MITF: variants seen among roughly 807,000 people sequenced by gnomAD.
MITF encodes the protein melanocyte inducing transcription factor.
In MITF, 17 loss-of-function variants were observed where a neutral mutation model predicts 60.5. That is an observed-to-expected ratio of 0.28 (90% CI 0.19 to 0.42). MITF has a LOEUF of 0.42. Among genes scored for constraint, MITF ranks in the 10% least tolerant of loss-of-function variants. The pLI is 1.00. For missense variants in MITF, 622 were observed against 683.5 expected, an observed-to-expected ratio of 0.91 and a Z score of 1.00; for synonymous variants, 260 against 248.5, an observed-to-expected ratio of 1.05 and a Z score of -0.43.
intron 1 of MITF, among the ~76,000 whole-genome samples, chr3:69,807,137 C>T (rs1212373063): frequency 6.6e-6 from 1 of 152,200 alleles, no homozygotes; most frequent in Non-Finnish European, 1.5e-5. Flanking sequence ...GCCATATTCT[C>T]TCTTAAGTTA....
intron 1 of MITF, among the ~76,000 whole-genome samples, chr3:69,864,000 T>G (rs1357353422): frequency 6.6e-6 from 1 of 152,222 alleles, no homozygotes; most frequent in African/African-American, 2.4e-5. Flanking sequence ...TCTAGATTGG[T>G]CAATATTAAT....
rs1559601734 is a variant in MITF at position 69,739,689 on chromosome 3, C to G, written c.92C>G (p.Pro31Arg). ...ACCTATTACGAACTCAAAAGTCAAC[C>G]GCTGAAGAGCAGGTGAGTGGTGACA... ...PKTYYELKSQPLKSSSSAEHP... is the reference protein window; with the variant it reads ...PKTYYELKSQRLKSSSSAEHP... Residue 31 changes from proline to arginine, a missense_variant, in exon 1 of 10, where the codon CCG (proline) becomes CGG (arginine). Physicochemically the swap from Pro to Arg is moderately radical, Grantham distance 103 (BLOSUM62 -2). This residue lies in a region of MITF where 149 missense variants were observed against 157.8 expected (regional missense o/e 0.94). Coordinates refer to ENST00000352241, the MANE Select transcript of MITF (RefSeq NM_001354604.2). 1 of 1,570,490 alleles carries G rather than the reference C, an allele frequency of 6.4e-7. No individual in the cohort carries two copies.
intron 2 of MITF, among the ~76,000 whole-genome samples, chr3:69,916,515 G>A (rs537481643): frequency 1.3e-3 from 198 of 152,010 alleles, no homozygotes; most frequent in Admixed American, 2.4e-3. Context: ...TTACAAGTTC[G>A]GAATTGAGTG....
At chr3:69,929,697 A>T (rs1400468277) in intron 2 of MITF, among the ~76,000 whole-genome samples, 1 of 152,000 alleles carries the variant, frequency 6.6e-6, no homozygotes, top group Non-Finnish European at 1.5e-5. Context: ...ACTTGATCTG[A>T]CAATATCACA....
chr3:69,892,710 G>C (rs1240317339), intron 2 of MITF, among the ~76,000 whole-genome samples: 1 of 152,170 alleles, frequency 6.6e-6, no homozygotes, highest in African/African-American at 2.4e-5. Flanking sequence ...ATAAATGGTA[G>C]CACAAAATGG....
intron 2 of MITF, among the ~76,000 whole-genome samples, chr3:69,897,855 C>G (rs2064910514): frequency 6.6e-6 from 1 of 152,172 alleles, no homozygotes; most frequent in Admixed American, 6.5e-5. Flanking sequence ...AATAAAATCA[C>G]AAAGTCAAGT....
At chr3:69,835,484 A>G (rs563548350) in intron 1 of MITF, among the ~76,000 whole-genome samples, 36 of 152,164 alleles carry the variant, frequency 2.4e-4, no homozygotes, top group Admixed American at 2.4e-3. Flanking sequence ...GTTTGATGTA[A>G]TCCCATTTGT....
rs2066730193 is a variant in MITF, at chr3:69,967,905, C to T, written c.*2657C>T. The T allele has an allele frequency of 1.3e-5, 3 of 233,396 alleles. No individual in the cohort carries two copies. The East Asian group carries it at 1.8e-4, about 14-fold the overall frequency. 14.5% of individuals were successfully genotyped at this position (233,396 alleles called of 1,614,324 possible). On this transcript the variant is annotated 3_prime_UTR_variant, in exon 10 of 10. Coordinates refer to ENST00000352241, the MANE Select transcript of MITF (RefSeq NM_001354604.2). The stretch of plus-strand genomic sequence containing the variant: ...CCAAAATGCCAAAATTGTCCATCTG[C>T]CTCTGAGTAGGGCAATGGAAATACC...
At chr3:69,887,545 A>C (rs1292531019) in intron 2 of MITF, among the ~76,000 whole-genome samples, 1 of 152,100 alleles carries the variant, frequency 6.6e-6, no homozygotes, top group African/African-American at 2.4e-5. Context: ...CTTATTTATA[A>C]ATTTAGATGT....
intron 1 of MITF, among the ~76,000 whole-genome samples, chr3:69,761,057 T>G (rs1468156907): frequency 6.6e-6 from 1 of 152,176 alleles, no homozygotes; most frequent in Non-Finnish European, 1.5e-5. Flanking sequence ...AACAGTAGCA[T>G]CTAGCATTTT....
At chr3:69,952,523 T>G (rs1057219739) in intron 7 of MITF, among the ~76,000 whole-genome samples, 1 of 152,086 alleles carries the variant, frequency 6.6e-6, no homozygotes, top group African/African-American at 2.4e-5. Flanking sequence ...GGTAGGAAAT[T>G]GTGTGTGAAT....
chr3:69,910,507 C>A (rs2065201249), intron 2 of MITF, among the ~76,000 whole-genome samples: 4 of 152,166 alleles, frequency 2.6e-5, no homozygotes, highest in Admixed American at 2.6e-4. Context: ...TTGGAAAAAC[C>A]TCAGACACTC....
intron 1 of MITF, among the ~76,000 whole-genome samples, chr3:69,810,553 G>T (rs1006482378): frequency 6.6e-6 from 1 of 152,114 alleles, no homozygotes; most frequent in Non-Finnish European, 1.5e-5. Flanking sequence ...TTTATCAAAA[G>T]ATCAGTTTTG....
intron 1 of MITF, among the ~76,000 whole-genome samples, chr3:69,854,016 A>C (rs2063872145): frequency 6.6e-6 from 1 of 151,862 alleles, no homozygotes; most frequent in East Asian, 1.9e-4. Context: ...CGCCTGGCTA[A>C]TTTTTGTATT....
In MITF at chr3:69,965,255, C is replaced by T. The variant is rs1276461945; in HGVS notation, c.*7C>T. On this transcript the variant is annotated 3_prime_UTR_variant, in exon 10 of 10. Coordinates refer to ENST00000352241, the MANE Select transcript of MITF (RefSeq NM_001354604.2). ...GACGGAGCACACTTGTTAGCGAATC[C>T]TCCCTGCACTGCATTCGCACAAACT... The T allele has an allele frequency of 8.7e-6, 14 of 1,612,566 alleles. No individual in the cohort carries two copies. Among genetic ancestry groups the T allele is most frequent in the Non-Finnish European group, 1.0e-5 (12 of 1,178,764 alleles).
intron 7 of MITF, 122 bp from the exon 8 acceptor site, chr3:69,956,333 G>A: frequency 1.3e-6 from 1 of 769,128 alleles, no homozygotes; most frequent in Non-Finnish European, 2.3e-6. Context: ...TAGGGAAAAA[G>A]TAGGTTCAGG....
At chr3:69,845,425 T>G (rs2063712466) in intron 1 of MITF, among the ~76,000 whole-genome samples, 1 of 130,628 alleles carries the variant, frequency 7.7e-6, no homozygotes, top group African/African-American at 2.6e-5. Flanking sequence ...TTTTCTTTTC[T>G]TTTTTCTTTT....
rs368434179 is a variant in MITF, at chr3:69,900,213, G to A, written c.354+20830G>A. 2.5e-3 allele frequency among the ~76,000 whole-genome samples: 384 copies of A among 152,204 alleles called. 1 individual carries two copies. Among genetic ancestry groups the A allele is most frequent in the Non-Finnish European group, 4.3e-3 (293 of 68,012 alleles). Reference sequence around the variant, plus strand: ...CTGGTCACACTTCTAATCACAGAGAGTGGGTGACCCTCCCCTCTGCTCCCA... The same window carrying A: ...CTGGTCACACTTCTAATCACAGAGAATGGGTGACCCTCCCCTCTGCTCCCA... On this transcript the variant is annotated intron_variant, in intron 2 of 9. Coordinates refer to ENST00000352241, the MANE Select transcript of MITF (RefSeq NM_001354604.2).
At chr3:69,763,682 A>G in intron 1 of MITF, 1 of 1,283,386 alleles carries the variant, frequency 7.8e-7, no homozygotes, top group Non-Finnish European at 1.0e-6. Flanking sequence ...CAAAGGGCCA[A>G]GGCAGCCCTG....
Sources: allele counts gnomAD v4.1 joint callset (sites outside exome capture counted in the v4.1 genomes callset), GRCh38; gene constraint gnomAD v4.1.1; regional missense constraint gnomAD v4.1.1; transcripts MANE v1.5; gene names NCBI Gene and HGNC (gene_info 2026-07-23, HGNC 2026-07-21).